The following MYO16 variants were observed in gnomAD, a reference collection of about 807,000 sequenced individuals.
MYO16 encodes myosin XVI.
Under a neutral mutation model 205.3 loss-of-function variants are expected in MYO16, and 94 were observed. The observed-to-expected ratio is 0.46, with a 90% CI of 0.39 to 0.54. MYO16 has a LOEUF of 0.54. Among genes scored for constraint, MYO16 ranks in the 20% least tolerant of loss-of-function variants. The probability of loss-of-function intolerance (pLI) is 0.00; values close to 1 mark genes in which losing one functional copy is unlikely to be tolerated. For synonymous variants in MYO16, 988 were observed against 954.0 expected (o/e 1.04, Z -0.66); for missense variants, 2,315 against 2,387.5 (o/e 0.97, Z 0.63).
chr13:108,501,307 C>G, the MYO16 span, among the ~76,000 whole-genome samples: 2 of 152,272 alleles, frequency 1.3e-5, no homozygotes, highest in Middle Eastern at 6.8e-3. Context: ...GGGGGAGATT[C>G]TAGCTTCAAC....
chr13:108,814,961 G>A (rs1055241597), intron 7 of MYO16, among the ~76,000 whole-genome samples: 1 of 152,120 alleles, frequency 6.6e-6, no homozygotes, highest in Admixed American at 6.5e-5. Context: ...GAAAGGCAAG[G>A]TTAGGAAAGG....
chr13:109,067,459 C>T (rs750626999), intron 27 of MYO16, among the ~76,000 whole-genome samples: 7 of 152,154 alleles, frequency 4.6e-5, no homozygotes, highest in Non-Finnish European at 8.8e-5. Context: ...CTAAGGGTGT[C>T]TCTAACCACT....
intron 34 of MYO16, among the ~76,000 whole-genome samples, chr13:109,201,021 TG>T (rs777121371): frequency 3.9e-5 from 6 of 152,126 alleles, no homozygotes; most frequent in Admixed American, 6.6e-5. Flanking sequence ...CACCAACTGC[TG>T]GGTAGAGATT....
At chr13:109,020,094 A>G (rs182418108) in intron 23 of MYO16, among the ~76,000 whole-genome samples, 183 bp downstream of exon 23, 253 of 152,298 alleles carry the variant, frequency 1.7e-3, no homozygotes, top group African/African-American at 5.6e-3. Flanking sequence ...TAACATCTTC[A>G]GAATGATGAC....
intron 7 of MYO16, among the ~76,000 whole-genome samples, chr13:108,810,165 T>C (rs904767608): frequency 2.2e-4 from 33 of 152,346 alleles, no homozygotes; most frequent in African/African-American, 7.9e-4. Flanking sequence ...AGACTTGCCT[T>C]TAATTTTCTA....
chr13:109,106,862 A>G (rs1889136348), intron 28 of MYO16, among the ~76,000 whole-genome samples: 1 of 152,216 alleles, frequency 6.6e-6, no homozygotes, highest in South Asian at 2.1e-4. Context: ...TAGGCAAAGA[A>G]GAGTGGCCTG....
chr13:108,780,253 T>A (rs1365008886), intron 4 of MYO16, among the ~76,000 whole-genome samples: 1 of 151,892 alleles, frequency 6.6e-6, no homozygotes, highest in Admixed American at 6.6e-5. Context: ...GTTTAAAGAA[T>A]GAAAGCAAGG....
At chr13:108,688,345 C>T (rs762365515) in intron 2 of MYO16, among the ~76,000 whole-genome samples, 1 of 152,080 alleles carries the variant, frequency 6.6e-6, no homozygotes, top group Admixed American at 6.6e-5. Context: ...ACTTTCTCAT[C>T]GGTAGGAATA....
chr13:108,677,216 TA>T (rs1480363608), intron 2 of MYO16, among the ~76,000 whole-genome samples: 1 of 151,870 alleles, frequency 6.6e-6, no homozygotes, highest in Non-Finnish European at 1.5e-5. Context: ...TTTCCTGCCC[TA>T]ATGAACTTCA....
intron 9 of MYO16, among the ~76,000 whole-genome samples, chr13:108,827,944 G>A (rs1477484302): frequency 6.6e-6 from 1 of 152,134 alleles, no homozygotes; most frequent in Non-Finnish European, 1.5e-5. Context: ...AAAGCCCACA[G>A]AAATTCTACA....
the MYO16 span, among the ~76,000 whole-genome samples, chr13:108,553,005 C>CTT: frequency 2.5e-4 from 16 of 64,914 alleles, no homozygotes; most frequent in African/African-American, 6.9e-4. Context: ...CTTTAATACT[C>CTT]TTTTTTTTTT....
At chr13:108,667,011 A>G (rs188746935) in intron 2 of MYO16, among the ~76,000 whole-genome samples, 75 of 152,332 alleles carry the variant, frequency 4.9e-4, no homozygotes, top group African/African-American at 1.7e-3. Context: ...GAGCATCTTC[A>G]CAATTCATTA....
intron 3 of MYO16, among the ~76,000 whole-genome samples, chr13:108,715,599 CTTAA>C (rs772547439): frequency 3.9e-4 from 60 of 152,102 alleles, no homozygotes; most frequent in Non-Finnish European, 7.2e-4. Context: ...AATGTTACTA[CTTAA>C]TTAATATCTG....
At chr13:108,653,072 T>A (rs1020554210) in intron 1 of MYO16, among the ~76,000 whole-genome samples, 1 of 152,244 alleles carries the variant, frequency 6.6e-6, no homozygotes, top group African/African-American at 2.4e-5. Flanking sequence ...TCTTTGATAG[T>A]AGCTATTCTC....
intron 32 of MYO16, among the ~76,000 whole-genome samples, chr13:109,148,910 G>A (rs78066430): frequency 0.017 from 2,538 of 152,306 alleles, 64 homozygotes; most frequent in African/African-American, 0.057. Flanking sequence ...AGACACTGCA[G>A]GCCAATGGAT....
At chr13:109,174,833 A>C (rs1204394410) in intron 33 of MYO16, among the ~76,000 whole-genome samples, 1 of 145,948 alleles carries the variant, frequency 6.9e-6, no homozygotes, top group Admixed American at 7.0e-5. Flanking sequence ...CTCACTGCAA[A>C]CTCCGCCTCC....
chr13:108,620,388 T>C (rs1879495357), intron 1 of MYO16, among the ~76,000 whole-genome samples: 1 of 152,138 alleles, frequency 6.6e-6, no homozygotes, highest in Admixed American at 6.6e-5. Flanking sequence ...CTCTGATGTT[T>C]GATGTTGAAG....
At chr13:108,606,342 G>T (rs539432815) in intron 1 of MYO16, among the ~76,000 whole-genome samples, 2 of 152,296 alleles carry the variant, frequency 1.3e-5, no homozygotes, top group South Asian at 4.1e-4. Context: ...CAGAGGCCTA[G>T]GAGGGAAAAA....
chr13:108,940,104 A>T (rs1594411821), intron 16 of MYO16, among the ~76,000 whole-genome samples: 1 of 152,306 alleles, frequency 6.6e-6, no homozygotes, highest in Non-Finnish European at 1.5e-5. Context: ...TTCCCATGAA[A>T]TTTCTGCTTG....
Sources: gnomAD v4.1 joint callset for allele counts (sites outside exome capture counted in the v4.1 genomes callset) on GRCh38, gnomAD v4.1.1 for gene constraint, MANE v1.5 for transcripts, NCBI Gene and HGNC (gene_info 2026-07-23, HGNC 2026-07-21) for gene names.